The following AUTS2 variants were observed in gnomAD, a reference collection of about 807,000 sequenced individuals.
The protein encoded by AUTS2 is activator of transcription and developmental regulator AUTS2.
In AUTS2, 17 loss-of-function variants were observed where a neutral mutation model predicts 112.4. That is an observed-to-expected ratio of 0.15 (90% CI 0.10 to 0.23). AUTS2 has a LOEUF of 0.23. AUTS2 is among the 10% of genes least tolerant of loss of function. The pLI, the probability that AUTS2 is intolerant of heterozygous loss-of-function variation, is 1.00. For synonymous variants in AUTS2, 751 were observed against 702.7 expected, an observed-to-expected ratio of 1.07 and a Z score of -1.09; for missense variants, 1,510 against 1,701.6, an observed-to-expected ratio of 0.89 and a Z score of 1.98.
At chr7:70,456,936 G>A (rs1796764252) in intron 5 of AUTS2, among the ~76,000 whole-genome samples, 1 of 152,180 alleles carries the variant, frequency 6.6e-6, no homozygotes, top group Admixed American at 6.5e-5. Context: ...TTGACTTTGG[G>A]GCAGCGGCTG....
chr7:69,860,032 CAA>C (rs1792904799), intron 1 of AUTS2, among the ~76,000 whole-genome samples: 1 of 152,070 alleles, frequency 6.6e-6, no homozygotes. Flanking sequence ...ACCTGCCTGA[CAA>C]AGAGGTGTTT....
At chr7:70,470,745 G>A (rs1405443038) in intron 5 of AUTS2, among the ~76,000 whole-genome samples, 1 of 152,106 alleles carries the variant, frequency 6.6e-6, no homozygotes, top group East Asian at 1.9e-4. Flanking sequence ...CTGTGGTTGT[G>A]GAGATGGTCT....
In AUTS2 at chr7:69,963,487, C is replaced by G. The variant is rs1010166446; in HGVS notation, c.522+63989C>G. Among the ~76,000 whole-genome samples the G allele has an allele frequency of 9.2e-5, 14 of 152,092 alleles. No individual in the cohort carries two copies. The East Asian group carries it at 1.2e-3, about 13-fold the overall frequency. ...AATCAGAGGATAATTAAGGCTCTAT[C>G]ATAGCAGGTGAAGTTTCTGAGTGGA... On this transcript the variant is annotated intron_variant, in intron 2 of 18. Coordinates refer to ENST00000342771, the MANE Select transcript of AUTS2 (RefSeq NM_015570.4).
chr7:69,953,791 A>T (rs1025596909), intron 2 of AUTS2, among the ~76,000 whole-genome samples: 2 of 152,152 alleles, frequency 1.3e-5, no homozygotes, highest in African/African-American at 4.8e-5. Context: ...TCAGTTGCTG[A>T]GGAAGAGGTC....
intron 5 of AUTS2, among the ~76,000 whole-genome samples, chr7:70,472,150 C>T (rs1170599489): frequency 5.3e-5 from 8 of 152,194 alleles, no homozygotes; most frequent in African/African-American, 1.9e-4. Context: ...CACTGTGCTA[C>T]TCTTCACCCT....
In AUTS2 at chr7:70,731,611, A is replaced by G. The variant is rs894643644; in HGVS notation, c.743-31259A>G. 9.0e-4 allele frequency among the ~76,000 whole-genome samples: 137 copies of G among 151,494 alleles called. 1 individual carries two copies. The highest frequency in any genetic ancestry group is 4.6e-4 in the Admixed American group (7 of 15,220). On this transcript the variant is annotated intron_variant, in intron 6 of 18. Coordinates refer to ENST00000342771, the MANE Select transcript of AUTS2 (RefSeq NM_015570.4). Reference sequence around the variant, plus strand: ...TGCCCGGCTAATTTTTTATATTTTTAGTAGAGACGGGGTTTCACCATGTTA... The same window carrying G: ...TGCCCGGCTAATTTTTTATATTTTTGGTAGAGACGGGGTTTCACCATGTTA...
intron 2 of AUTS2, among the ~76,000 whole-genome samples, chr7:69,924,106 A>T (rs188258172): frequency 1.3e-5 from 2 of 152,300 alleles, no homozygotes; most frequent in Admixed American, 1.3e-4. Flanking sequence ...TATTAGGTTG[A>T]GAATGTTCCA....
chr7:70,326,940 C>T (rs1383897663), intron 4 of AUTS2, among the ~76,000 whole-genome samples: 2 of 88,424 alleles, frequency 2.3e-5, no homozygotes, highest in East Asian at 3.4e-4. Context: ...TTTTTTGTGA[C>T]GGAATTTCGC....
At chr7:70,767,048 T>C (rs1329155844) in intron 9 of AUTS2, among the ~76,000 whole-genome samples, 1 of 152,202 alleles carries the variant, frequency 6.6e-6, no homozygotes, top group African/African-American at 2.4e-5. Flanking sequence ...TAATTCATAG[T>C]GCCATATTAG....
intron 1 of AUTS2, among the ~76,000 whole-genome samples, chr7:69,637,172 C>G (rs1056477586): frequency 6.6e-6 from 1 of 152,130 alleles, no homozygotes; most frequent in Non-Finnish European, 1.5e-5. Flanking sequence ...TCCAGGTTTT[C>G]GATGTTATAA....
intron 2 of AUTS2, among the ~76,000 whole-genome samples, chr7:70,046,663 A>C (rs1267600888): frequency 6.6e-6 from 1 of 152,232 alleles, no homozygotes; most frequent in South Asian, 2.1e-4. Flanking sequence ...TCCATAAAGT[A>C]AAACTTGTAG....
intron 1 of AUTS2, among the ~76,000 whole-genome samples, chr7:69,674,205 C>T (rs1315025112): frequency 6.6e-6 from 1 of 152,154 alleles, no homozygotes; most frequent in African/African-American, 2.4e-5. Context: ...TATGAAACTT[C>T]ATTATGTAAC....
intron 2 of AUTS2, among the ~76,000 whole-genome samples, chr7:70,116,649 T>G (rs531198792): frequency 6.6e-6 from 1 of 152,360 alleles, no homozygotes; most frequent in Non-Finnish European, 1.5e-5. Context: ...ATGAAACTGC[T>G]GATCATTTCC....
intron 4 of AUTS2, among the ~76,000 whole-genome samples, chr7:70,180,605 G>A (rs1370581028): frequency 6.6e-6 from 1 of 152,022 alleles, no homozygotes; most frequent in Non-Finnish European, 1.5e-5. Flanking sequence ...CCGGGCTTTT[G>A]GTCCCTCCCT....
intron 4 of AUTS2, among the ~76,000 whole-genome samples, chr7:70,233,879 C>A (rs907424824): frequency 6.6e-6 from 1 of 152,196 alleles, no homozygotes; most frequent in Admixed American, 6.5e-5. Context: ...CTGGCTTTAC[C>A]GCAAGGGTTA....
intron 1 of AUTS2, among the ~76,000 whole-genome samples, chr7:69,660,948 A>G (rs1031192685): frequency 3.9e-5 from 6 of 152,208 alleles, no homozygotes; most frequent in African/African-American, 1.4e-4. Context: ...TTTTAACCTT[A>G]GTTGCACAGG....
At chr7:69,991,801 G>T (rs913697049) in intron 2 of AUTS2, among the ~76,000 whole-genome samples, 4 of 152,180 alleles carry the variant, frequency 2.6e-5, no homozygotes, top group African/African-American at 9.7e-5. Flanking sequence ...TGAAAGATGG[G>T]CAGTGATTTC....
chr7:69,782,497 A>G (rs1789185863), intron 1 of AUTS2, among the ~76,000 whole-genome samples: 1 of 151,786 alleles, frequency 6.6e-6, no homozygotes, highest in South Asian at 2.1e-4. Context: ...CAGGGAATTT[A>G]TTTGTAGCTA....
At chr7:69,948,264 A>G (rs1796893098) in intron 2 of AUTS2, among the ~76,000 whole-genome samples, 1 of 152,192 alleles carries the variant, frequency 6.6e-6, no homozygotes, top group Admixed American at 6.5e-5. Flanking sequence ...AACTTCACAC[A>G]GTGAATTGCA....
Sources: gnomAD v4.1 joint callset for allele counts (sites outside exome capture counted in the v4.1 genomes callset) on GRCh38, gnomAD v4.1.1 for gene constraint, MANE v1.5 for transcripts, NCBI Gene and HGNC (gene_info 2026-07-23, HGNC 2026-07-21) for gene names.